The following ZNF778 variants were observed in gnomAD, a reference collection of about 807,000 sequenced individuals.
ZNF778 encodes the protein zinc finger protein 778.
ZNF778 carries 37 observed loss-of-function variants against 23.9 expected under a neutral mutation model. The observed-to-expected ratio is 1.54, with a 90% CI of 1.19 to 2.03. The LOEUF is 2.03. ZNF778 is among the 30% of genes most tolerant of loss of function. The probability of loss-of-function intolerance (pLI) is 0.00; values close to 1 mark genes in which losing one functional copy is unlikely to be tolerated. For missense variants in ZNF778, 1,297 were observed against 934.4 expected (o/e 1.39, Z -5.06); for synonymous variants, 483 against 343.9 (o/e 1.40, Z -4.48).
In ZNF778 at chr16:89,230,423, A is replaced by C. The variant is rs1597368338; in HGVS notation, c.*1861A>C. 1 of 151,760 alleles carries C rather than the reference A, an allele frequency of 6.6e-6. No individual in the cohort carries two copies. The highest frequency in any genetic ancestry group is 2.4e-5 in the African/African-American group (1 of 41,232). 9.4% of individuals were successfully genotyped at this position (151,760 alleles called of 1,614,324 possible). ...GTCCTGGCAGCTGCTGCAATCTGGCACTCCTGGGGCAGCTGCTGCGATCCG... is the reference window on the plus strand; with the variant it reads ...GTCCTGGCAGCTGCTGCAATCTGGCCCTCCTGGGGCAGCTGCTGCGATCCG... On this transcript the variant is annotated 3_prime_UTR_variant, in exon 7 of 7. Coordinates refer to ENST00000433976, the MANE Select transcript of ZNF778 (RefSeq NM_001201407.2).
At position 89,234,218 on chromosome 16, in the gene ZNF778, GTC is replaced by G; in HGVS notation, c.*5662_*5663del. On this transcript the variant is annotated 3_prime_UTR_variant, in exon 7 of 7. Transcript: ENST00000433976. ...CACCAGTGGTGTGGTTTTCCTCATAGTCTCTCTACCTAAGCACATGTCTGTGA... is the reference window on the plus strand; with the variant it reads ...CACCAGTGGTGTGGTTTTCCTCATAGTCTCTACCTAAGCACATGTCTGTGA... The G allele has an allele frequency of 2.7e-6, 1 of 366,776 alleles. No individual in the cohort carries two copies. 22.7% of individuals were successfully genotyped at this position (366,776 alleles called of 1,614,324 possible).
At position 89,234,920 on chromosome 16, in the gene ZNF778, A is replaced by C. The variant is rs905044190; in HGVS notation, c.*6358A>C. The C allele has an allele frequency of 6.6e-6, 1 of 152,216 alleles. No homozygotes were observed. The highest frequency in any genetic ancestry group is 1.5e-5 in the Non-Finnish European group (1 of 68,040). 9.4% of individuals were successfully genotyped at this position (152,216 alleles called of 1,614,324 possible). A position where few individuals can be genotyped will look rare whatever the true frequency, so the allele number is the denominator to read the frequency against. On this transcript the variant is annotated 3_prime_UTR_variant, in exon 7 of 7. Transcript: ENST00000433976. The stretch of plus-strand genomic sequence containing the variant: ...ACAGAGTGAGACTCTGTCTCAAAAA[A>C]AAAGGAAAAATATTTCTTAATTTTG...
At chr16:89,220,845 C>G (rs1034930472) in intron 1 of ZNF778, among the ~76,000 whole-genome samples, 152 bp from the exon 2 acceptor site, 2 of 152,312 alleles carry the variant, frequency 1.3e-5, no homozygotes, top group African/African-American at 4.8e-5. Flanking sequence ...TCTTTTGACC[C>G]ATATACTGCT....
At chr16:89,221,177 C>G (rs2030898680) in intron 2 of ZNF778, 25 bp downstream of exon 2, 3 of 1,544,000 alleles carry the variant, frequency 1.9e-6, no homozygotes, top group African/African-American at 2.8e-5. Flanking sequence ...GGCTCCTTCT[C>G]AGAGCCTCTG....
At position 89,232,582 on chromosome 16, in the gene ZNF778, C is replaced by T; in HGVS notation, c.*4020C>T. 3 of 1,176,498 alleles carry T rather than the reference C, an allele frequency of 2.5e-6. No homozygotes were observed. The East Asian group carries it at 1.7e-4, about 68-fold the overall frequency. The allele number at this position is 1,176,498 out of a possible 1,614,324, so 72.9% of individuals were successfully genotyped here. ...CCTCCTGTGTGAAAATCTCCACTCCCAATGTCTGAGGGTTCCTCAGAGTAA... is the reference window on the plus strand; with the variant it reads ...CCTCCTGTGTGAAAATCTCCACTCCTAATGTCTGAGGGTTCCTCAGAGTAA... On this transcript the variant is annotated 3_prime_UTR_variant, in exon 7 of 7. Transcript: ENST00000433976.
chr16:89,218,616 C>T (rs1384941344), intron 1 of ZNF778, among the ~76,000 whole-genome samples: 1 of 149,388 alleles, frequency 6.7e-6, no homozygotes. Context: ...ACGGTGAAAC[C>T]CCATCTCTAC....
Position 89,227,169 on chromosome 16 carries a change from C to T in ZNF778, c.881C>T (p.Ala294Val). 3 of 1,613,968 alleles carry T rather than the reference C, an allele frequency of 1.9e-6. No individual in the cohort carries two copies. The highest frequency in any genetic ancestry group is 1.1e-5 in the South Asian group (1 of 91,084). The change falls in exon 7 of 7, where the codon GCC (alanine) becomes GTC (valine). Residue 294 changes from alanine (A) to valine (V), a missense_variant. By Grantham distance (64) the Ala-to-Val change is moderately conservative. Coordinates refer to ENST00000433976, the MANE Select transcript of ZNF778 (RefSeq NM_001201407.2). The stretch of plus-strand genomic sequence containing the variant: ...TGTGGGAAGGCCTTTAGGTACACTG[C>T]CTACCTTACTGGTCGCGTGCAAGTC... ...RECGKAFRYT[A>V]YLTGRVQVHP...
chr16:89,218,354 C>G (rs2030564679), intron 1 of ZNF778: 1 of 152,196 alleles, frequency 6.6e-6, no homozygotes, highest in Non-Finnish European at 1.5e-5. Context: ...ATAAATAAAC[C>G]TTACGGTGAA....
At chr16:89,225,748 G>C in intron 6 of ZNF778, 117 bp downstream of exon 6, 1 of 952,846 alleles carries the variant, frequency 1.0e-6, no homozygotes, top group Non-Finnish European at 1.6e-6. Context: ...CTCAGGCAGG[G>C]GTTGTCTGTA....
chr16:89,221,911 C>G (rs909657933), intron 2 of ZNF778, among the ~76,000 whole-genome samples, 181 bp from the exon 3 acceptor site: 8 of 151,308 alleles, frequency 5.3e-5, no homozygotes, highest in Non-Finnish European at 1.0e-4. Context: ...TGTGTGTTTT[C>G]CTGAGTGTGC....
rs748046679 is a variant in ZNF778 at position 89,234,019 on chromosome 16, G to A, written c.*5457G>A. The A allele has an allele frequency of 5.5e-6, 6 of 1,094,602 alleles. No homozygotes were observed. Among genetic ancestry groups the A allele is most frequent in the Non-Finnish European group, 7.4e-6 (6 of 810,750 alleles). 67.8% of individuals were successfully genotyped at this position (1,094,602 alleles called of 1,614,324 possible). On this transcript the variant is annotated 3_prime_UTR_variant, in exon 7 of 7. Transcript: ENST00000433976. ...GTCCTGCCTTTCCTGTGAAAACCCT[G>A]TGGCCTCTGCCTCCCCTGGCTCTGA...
chr16:89,228,282 G>A lies in ZNF778; in HGVS notation c.1994G>A (p.Arg665Lys). 6.2e-7 allele frequency: 1 copy of A among 1,605,606 alleles called. No individual in the cohort carries two copies. Among genetic ancestry groups the A allele is most frequent in the Non-Finnish European group, 8.5e-7 (1 of 1,173,258 alleles). Residue 665 changes from arginine (R) to lysine (K), a missense_variant, in exon 7 of 7, where the codon AGG becomes AAG. Arg to Lys is a conservative substitution (Grantham distance 26). Transcript: ENST00000433976. The stretch of plus-strand genomic sequence containing the variant: ...TCCTCACACCTTATCGAACACAGAA[G>A]GACTCACACAGGAGAGAAACCTTAC... ...ASSSHLIEHR[R>K]THTGEKPYIC...
At position 89,228,096 on chromosome 16, in the gene ZNF778, G is replaced by T; in HGVS notation, c.1808G>T (p.Ser603Ile). 2.5e-6 allele frequency: 4 copies of T among 1,612,994 alleles called. No homozygotes were observed. Among genetic ancestry groups the T allele is most frequent in the Non-Finnish European group, 3.4e-6 (4 of 1,179,172 alleles). The change falls in exon 7 of 7, where the codon AGC (serine) becomes ATC (isoleucine). Residue 603 changes from serine to isoleucine, a missense_variant. Physicochemically the swap from Ser to Ile is moderately radical, Grantham distance 142. Coordinates refer to ENST00000433976, the MANE Select transcript of ZNF778 (RefSeq NM_001201407.2). ...GGGAAAACATTCACTGTTTCTTCGA[G>T]CCTAACCGAGCACATACGAACTCAC... Reference protein sequence around the residue: ...DCGKTFTVSSSLTEHIRTHTG... With the variant: ...DCGKTFTVSSILTEHIRTHTG...
rs1398899395 is a variant in ZNF778 at position 89,229,804 on chromosome 16, G to T, written c.*1242G>T. On this transcript the variant is annotated 3_prime_UTR_variant, in exon 7 of 7. Coordinates refer to ENST00000433976, the MANE Select transcript of ZNF778 (RefSeq NM_001201407.2). ...CTGTGAGCAGTGTAGGCTCTGGTTG[G>T]TTAGTCTTAGGTATCCAGATGTGAT... is the stretch of plus-strand genomic sequence containing the variant. 5.1e-6 allele frequency: 5 copies of T among 983,636 alleles called. No homozygotes were observed. The Admixed American group carries it at 2.5e-4, about 49-fold the overall frequency. 60.9% of individuals were successfully genotyped at this position (983,636 alleles called of 1,614,324 possible). A position where few individuals can be genotyped will look rare whatever the true frequency, so the allele number is the denominator to read the frequency against.
Position 89,228,279 on chromosome 16 carries a change from G to C in ZNF778, c.1991G>C (p.Arg664Thr). The change falls in exon 7 of 7, where the codon AGA (arginine) becomes ACA (threonine). Residue 664 changes from arginine to threonine, a missense_variant. Physicochemically the swap from Arg to Thr is moderately conservative, Grantham distance 71. Coordinates refer to ENST00000433976, the MANE Select transcript of ZNF778 (RefSeq NM_001201407.2). ...TCCTCCTCACACCTTATCGAACACA[G>C]AAGGACTCACACAGGAGAGAAACCT... is the stretch of plus-strand genomic sequence containing the variant. ...FASSSHLIEH[R>T]RTHTGEKPYI... 1 of 1,605,612 alleles carries C rather than the reference G, an allele frequency of 6.2e-7. No homozygotes were observed.
chr16:89,223,773 A>C (rs1597352009), intron 4 of ZNF778, among the ~76,000 whole-genome samples: 1 of 152,208 alleles, frequency 6.6e-6, no homozygotes, highest in African/African-American at 2.4e-5. Flanking sequence ...GAGTATTTGC[A>C]CTTTGAGCCC....
chr16:89,225,990 C>T (rs2031443169), intron 6 of ZNF778, among the ~76,000 whole-genome samples: 1 of 151,664 alleles, frequency 6.6e-6, no homozygotes, highest in Non-Finnish European at 1.5e-5. Flanking sequence ...TGGCTCACTG[C>T]AACCTCCGCC....
chr16:89,220,135 A>T (rs2151628036), intron 1 of ZNF778, among the ~76,000 whole-genome samples: 1 of 152,356 alleles, frequency 6.6e-6, no homozygotes, highest in East Asian at 1.9e-4. Context: ...GAGGGAAAAG[A>T]GCCTGTGCAG....
In ZNF778 at chr16:89,221,108, G is replaced by A. The variant is rs561316724; in HGVS notation, c.-20G>A. On this transcript the variant is annotated 5_prime_UTR_variant, in exon 2 of 7. Transcript: ENST00000433976. ...GGCTTCAGGAAAGGAGCATTCAGAC[G>A]CTTCCGTCAGCCTCCCAGGATGGCA... 3.8e-6 allele frequency: 6 copies of A among 1,565,192 alleles called. No individual in the cohort carries two copies. In the South Asian group the frequency reaches 4.7e-5, roughly 12 times the overall value.
Sources: gnomAD v4.1 joint callset for allele counts (sites outside exome capture counted in the v4.1 genomes callset) on GRCh38, gnomAD v4.1.1 for gene constraint, MANE v1.5 for transcripts, NCBI Gene and HGNC (gene_info 2026-07-23, HGNC 2026-07-21) for gene names.